Variants in CAPN10 observed in about 807,000 individuals in gnomAD.
CAPN10 encodes the protein calpain-10.
In CAPN10, 71 loss-of-function variants were observed where a neutral mutation model predicts 78.4. That is an observed-to-expected ratio of 0.91 (90% confidence interval 0.75 to 1.10). CAPN10 has a LOEUF of 1.10. Ranked by LOEUF, CAPN10 falls within the 50% of genes least tolerant of loss-of-function variation. The pLI is 0.00. For missense variants in CAPN10, 849 were observed against 924.6 expected, an observed-to-expected ratio of 0.92 and a Z score of 1.06; for synonymous variants, 437 against 407.2, an observed-to-expected ratio of 1.07 and a Z score of -0.88.
intron 2 of CAPN10, 76 bp downstream of exon 2, chr2:240,589,550 G>T: frequency 6.6e-7 from 1 of 1,521,858 alleles, no homozygotes; most frequent in Non-Finnish European, 8.8e-7. Context: ...AGTACCAGGA[G>T]GCCTTGCGAA....
intron 4 of CAPN10, 144 bp from the exon 5 acceptor site, chr2:240,593,762 C>T: frequency 1.1e-6 from 1 of 911,298 alleles, no homozygotes; most frequent in Non-Finnish European, 1.6e-6. Context: ...CTCTCGTGGT[C>T]CATGGGGATC....
chr2:240,591,483 G>T (rs1195036891), intron 3 of CAPN10: 2 of 235,968 alleles, frequency 8.5e-6, no homozygotes, highest in Non-Finnish European at 8.3e-6. Context: ...CTCTTAGAAT[G>T]CATTTGTCTT....
chr2:240,598,129 G>A, intron 10 of CAPN10, 42 bp downstream of exon 10: 1 of 1,560,376 alleles, frequency 6.4e-7, no homozygotes, highest in Non-Finnish European at 8.8e-7. Context: ...GGAGGCTGGG[G>A]TGCTGGAGTC....
At chr2:240,596,589 A>C (rs1346047816) in intron 8 of CAPN10, 68 bp downstream of exon 8, 1 of 1,539,464 alleles carries the variant, frequency 6.5e-7, no homozygotes, top group Non-Finnish European at 8.8e-7. Context: ...GGATTTGGGC[A>C]CTTTCCCTCT....
chr2:240,596,783 G>A lies in CAPN10; in HGVS notation c.1584G>A (p.Thr528=), dbSNP rs370493316. The change falls in exon 9 of 12, where the codon ACG becomes ACA. Residue 528 remains threonine (T), a synonymous_variant. Coordinates refer to ENST00000391984, the MANE Select transcript of CAPN10 (RefSeq NM_023083.4). ...QLRGSWRVGQ[T]AGGSRNFASY... is the part of the protein sequence containing the mutation. ...GGGGTTCTTGGAGAGTCGGCCAGACGGCGGGGGGCAGCAGGAACTTTGCCT... is the reference window on the plus strand; with the variant it reads ...GGGGTTCTTGGAGAGTCGGCCAGACAGCGGGGGGCAGCAGGAACTTTGCCT... 76 of 1,612,574 alleles carry A rather than the reference G, an allele frequency of 4.7e-5. No homozygotes were observed. The highest frequency in any genetic ancestry group is 8.0e-5 in the African/African-American group (6 of 74,946).
intron 3 of CAPN10, chr2:240,591,325 G>A (rs1452478574): frequency 2.9e-5 from 10 of 342,822 alleles, no homozygotes; most frequent in African/African-American, 2.1e-4. Context: ...CTTTATATTT[G>A]TTGTGGAGTG....
chr2:240,593,194 G>A lies in CAPN10; in HGVS notation c.689-712G>A, dbSNP rs148901784. On this transcript the variant is annotated intron_variant, in intron 4 of 11. Transcript: ENST00000391984. Reference sequence around the variant, plus strand: ...GTTTTGGGTGCTCCAGGGTGGGGTAGCGCTAAGTCCTAGCACTTCAGGCTT... The same window carrying A: ...GTTTTGGGTGCTCCAGGGTGGGGTAACGCTAAGTCCTAGCACTTCAGGCTT... Among the ~76,000 whole-genome samples the A allele has an allele frequency of 1.5e-4, 23 of 152,348 alleles. No homozygotes were observed. The East Asian group carries it at 3.9e-3, about 26-fold the overall frequency.
At chr2:240,587,459 C>G (rs1283068971) in intron 1 of CAPN10, among the ~76,000 whole-genome samples, 1 of 152,230 alleles carries the variant, frequency 6.6e-6, no homozygotes, top group Non-Finnish European at 1.5e-5. Context: ...CAAAGCAAAG[C>G]GTGATAGAAT....
rs1262354822 is a variant in CAPN10 at position 240,598,842 on chromosome 2, TC to T, written c.*164del. The T allele has an allele frequency of 8.9e-6, 6 of 675,680 alleles. No individual in the cohort carries two copies. 41.9% of individuals were successfully genotyped at this position (675,680 alleles called of 1,614,324 possible). On this transcript the variant is annotated 3_prime_UTR_variant, in exon 12 of 12. Coordinates refer to ENST00000391984, the MANE Select transcript of CAPN10 (RefSeq NM_023083.4). The stretch of plus-strand genomic sequence containing the variant: ...GCGGCCTAGGGGTCCACGGGAAGCC[TC>T]CGTCAGGAGAGACGCAGCCCTGGGG...
intron 10 of CAPN10, 85 bp downstream of exon 10, chr2:240,598,172 C>A: frequency 7.1e-7 from 1 of 1,401,162 alleles, no homozygotes; most frequent in South Asian, 1.3e-5. Context: ...CGTCTCCTGC[C>A]TGCCCCTCAC....
rs1233582226 is a variant in CAPN10 at position 240,589,449 on chromosome 2, A to G, written c.248A>G (p.Gln83Arg). The G allele has an allele frequency of 1.2e-6, 2 of 1,613,726 alleles. No homozygotes were observed. Among genetic ancestry groups the G allele is most frequent in the Non-Finnish European group, 8.5e-7 (1 of 1,179,950 alleles). ...CWFLCACAAL[Q>R]KSRHLLDQVI... ...TTCCTGTGTGCCTGCGCCGCGCTGC[A>G]GAAGAGCAGGCACCTCCTGGACCAG... Residue 83 changes from glutamine to arginine, a missense_variant, in exon 2 of 12, where the codon CAG becomes CGG. By Grantham distance (43) the Gln-to-Arg change is conservative. Coordinates refer to ENST00000391984, the MANE Select transcript of CAPN10 (RefSeq NM_023083.4).
At position 240,596,373 on chromosome 2, in the gene CAPN10, G is replaced by A; in HGVS notation, c.1333G>A (p.Gly445Ser). 1.9e-6 allele frequency: 3 copies of A among 1,612,984 alleles called. No individual in the cohort carries two copies. Among genetic ancestry groups the A allele is most frequent in the South Asian group, 2.2e-5 (2 of 91,066 alleles). ...PRVLSMPPVA[G>S]TACHAYDREV... Reference sequence around the variant, plus strand: ...GGTCCTGTCCATGCCCCCCGTGGCTGGCACCGCGTGCCATGCATACGACCG... The same window carrying A: ...GGTCCTGTCCATGCCCCCCGTGGCTAGCACCGCGTGCCATGCATACGACCG... Residue 445 changes from glycine to serine, a missense_variant, in exon 8 of 12, where the codon GGC (glycine) becomes AGC (serine). Coordinates refer to ENST00000391984, the MANE Select transcript of CAPN10 (RefSeq NM_023083.4).
intron 1 of CAPN10, among the ~76,000 whole-genome samples, chr2:240,588,632 C>T (rs1439215463): frequency 6.6e-6 from 1 of 152,068 alleles, no homozygotes; most frequent in Admixed American, 6.5e-5. Flanking sequence ...TTGATCGAGG[C>T]AGTTTAGGGG....
intron 7 of CAPN10, chr2:240,595,932 A>G (rs777587126): frequency 7.5e-7 from 1 of 1,334,116 alleles, no homozygotes; most frequent in South Asian, 1.2e-5. Flanking sequence ...GTGTCTTGAC[A>G]GGGTGTGACA....
At chr2:240,591,856 GCTA>G (rs2125459843) in intron 3 of CAPN10, 74 bp from the exon 4 acceptor site, 1 of 1,332,056 alleles carries the variant, frequency 7.5e-7, no homozygotes, top group South Asian at 1.3e-5. Context: ...GATTTGGGGT[GCTA>G]CAGACCATGG....
rs1304703804 is a variant in CAPN10, at chr2:240,592,197, C to G, written c.688+47C>G. 6 of 1,474,968 alleles carry G rather than the reference C, an allele frequency of 4.1e-6. No homozygotes were observed. The South Asian group carries it at 4.9e-5, about 12-fold the overall frequency. 91.4% of individuals were successfully genotyped at this position (1,474,968 alleles called of 1,614,324 possible). A position where few individuals can be genotyped will look rare whatever the true frequency, so the allele number is the denominator to read the frequency against. ...GGAGGGCTGCAGCCAGCGTGCCCCC[C>G]ACTGCCAGGCCTCAGGCACACTGTA... On this transcript the variant is annotated intron_variant, in intron 4 of 11. Coordinates refer to ENST00000391984, the MANE Select transcript of CAPN10 (RefSeq NM_023083.4).
chr2:240,586,943 G>C lies in CAPN10; in HGVS notation c.32G>C (p.Arg11Thr), dbSNP rs2093071717. ...GCGGGCCGGGGCGCGACGCCGGCGA[G>C]GGAGCTGTTCCGGGACGCCGCCTTC... MRAGRGATPA[R>T]ELFRDAAFPA... Residue 11 changes from arginine to threonine, a missense_variant, in exon 1 of 12, where the codon AGG (arginine) becomes ACG (threonine). Physicochemically the swap from Arg to Thr is moderately conservative, Grantham distance 71. Transcript: ENST00000391984. 1 of 1,462,008 alleles carries C rather than the reference G, an allele frequency of 6.8e-7. No individual in the cohort carries two copies. The allele number at this position is 1,462,008 out of a possible 1,614,324, so 90.6% of individuals were successfully genotyped here. A position where few individuals can be genotyped will look rare whatever the true frequency, so the allele number is the denominator to read the frequency against.
chr2:240,593,359 C>T (rs1239377485), intron 4 of CAPN10, among the ~76,000 whole-genome samples: 2 of 152,222 alleles, frequency 1.3e-5, no homozygotes, highest in South Asian at 2.1e-4. Flanking sequence ...ACCGTTGCCC[C>T]GCCACAGATG....
intron 3 of CAPN10, chr2:240,591,616 T>TG (rs1559424103): frequency 2.4e-5 from 10 of 409,220 alleles, no homozygotes; most frequent in African/African-American, 2.0e-4. Context: ...AAAAGCAGGG[T>TG]TGGAGCTTGA....
Sources: allele counts gnomAD v4.1 joint callset (sites outside exome capture counted in the v4.1 genomes callset), GRCh38; gene constraint gnomAD v4.1.1; transcripts MANE v1.5; gene names NCBI Gene and HGNC (gene_info 2026-07-23, HGNC 2026-07-21).